Variants in CD180 observed in about 807,000 individuals in gnomAD.
The protein encoded by CD180 is CD180 molecule.
Under a neutral mutation model 10.7 loss-of-function variants are expected in CD180, and 11 were observed. That is an observed-to-expected ratio of 1.03 (90% CI 0.65 to 1.70). The LOEUF is 1.70. CD180 is among the 40% of genes most tolerant of loss of function. The pLI, the probability that CD180 is intolerant of heterozygous loss-of-function variation, is 0.00. For missense variants in CD180, 729 were observed against 775.2 expected (o/e 0.94, Z 0.71); for synonymous variants, 286 against 294.6 (o/e 0.97, Z 0.30).
rs1341566948 is a variant in CD180 at position 67,179,864 on chromosome 5, A to G, written c.*2993T>C. ...GTCAGCTTTTATGGACTTCAGTGCT[A>G]TTTGCTCCAGTACCCTTTGAAATGC... On this transcript the variant is annotated 3_prime_UTR_variant, in exon 3 of 3. Transcript: ENST00000256447. 1 of 152,206 alleles carries G rather than the reference A, an allele frequency of 6.6e-6. No individual in the cohort carries two copies. Among genetic ancestry groups the G allele is most frequent in the African/African-American group, 2.4e-5 (1 of 41,458 alleles). The allele number at this position is 152,206 out of a possible 1,614,324, so 9.4% of individuals were successfully genotyped here.
At position 67,183,113 on chromosome 5, in the gene CD180, T is replaced by G; in HGVS notation, c.1730A>C (p.Asn577Thr). 1 of 1,610,006 alleles carries G rather than the reference T, an allele frequency of 6.2e-7. No individual in the cohort carries two copies. The highest frequency in any genetic ancestry group is 8.5e-7 in the Non-Finnish European group (1 of 1,177,340). Reference protein sequence around the residue: ...SQQSTINLSHNPLDCTCSNIH... With the variant: ...SQQSTINLSHTPLDCTCSNIH... ...ATTCGAGCAAGTGCAGTCCAGGGGGTTATGACTTAAATTAATGGTGCTCTG... is the reference window on the plus strand; with the variant it reads ...ATTCGAGCAAGTGCAGTCCAGGGGGGTATGACTTAAATTAATGGTGCTCTG... Residue 577 changes from asparagine (N) to threonine (T), a missense_variant, in exon 3 of 3, where the codon AAC (asparagine) becomes ACC (threonine). Asn to Thr is a moderately conservative substitution (Grantham distance 65). Coordinates refer to ENST00000256447, the MANE Select transcript of CD180 (RefSeq NM_005582.3).
intron 1 of CD180, among the ~76,000 whole-genome samples, chr5:67,194,588 G>T (rs1444856763): frequency 6.6e-6 from 1 of 152,202 alleles, no homozygotes; most frequent in African/African-American, 2.4e-5. Context: ...ACTTTGGAGT[G>T]ATTGATTTGA....
At position 67,183,896 on chromosome 5, in the gene CD180, C is replaced by T; in HGVS notation, c.947G>A (p.Gly316Glu). 6.2e-7 allele frequency: 1 copy of T among 1,614,114 alleles called. No homozygotes were observed. Among genetic ancestry groups the T allele is most frequent in the Non-Finnish European group, 8.5e-7 (1 of 1,179,994 alleles). Residue 316 changes from glycine to glutamate, a missense_variant, in exon 3 of 3, where the codon GGG (glycine) becomes GAG (glutamate). Physicochemically the swap from Gly to Glu is moderately conservative, Grantham distance 98. Coordinates refer to ENST00000256447, the MANE Select transcript of CD180 (RefSeq NM_005582.3). Reference protein sequence around the residue: ...TATHLKGLPSGMKGLNLLKKL... With the variant: ...TATHLKGLPSEMKGLNLLKKL... ...CTTGAGCAAGTTCAGACCCTTCATC[C>T]CAGAGGGTAACCCTTTCAAGTGAGT...
chr5:67,185,818 A>G (rs763731128), intron 2 of CD180, 33 bp downstream of exon 2: 4 of 1,505,456 alleles, frequency 2.7e-6, no homozygotes, highest in Non-Finnish European at 3.6e-6. Flanking sequence ...CTTAAATAAA[A>G]TAAAAGAGCA....
In CD180 at chr5:67,186,006, G is replaced by T; in HGVS notation, c.102C>A (p.Asn34Lys). ...WDQMCIEKEA[N>K]KTYNCENLGL... ...CTAAATTTTCACAGTTATATGTTTTGTTGGCTTCTTTCTGATGGGAGAAAC... is the reference window on the plus strand; with the variant it reads ...CTAAATTTTCACAGTTATATGTTTTTTTGGCTTCTTTCTGATGGGAGAAAC... The change falls in exon 2 of 3, where the codon AAC becomes AAA. Residue 34 changes from asparagine to lysine, a missense_variant. Asn to Lys is a moderately conservative substitution (Grantham distance 94). Coordinates refer to ENST00000256447, the MANE Select transcript of CD180 (RefSeq NM_005582.3). 6.3e-7 allele frequency: 1 copy of T among 1,580,618 alleles called. No individual in the cohort carries two copies. Among genetic ancestry groups the T allele is most frequent in the Non-Finnish European group, 8.6e-7 (1 of 1,164,060 alleles).
At position 67,181,497 on chromosome 5, in the gene CD180, T is replaced by TTA. The variant is rs1291739124; in HGVS notation, c.*1358_*1359dup. ...GGATGACCCCCAAGTTTTCACTCTGTTATGATGTCCCACTAGTATGCCTTC... is the reference window on the plus strand; with the variant it reads ...GGATGACCCCCAAGTTTTCACTCTGTTATATGATGTCCCACTAGTATGCCTTC... On this transcript the variant is annotated 3_prime_UTR_variant, in exon 3 of 3. Transcript: ENST00000256447. 1.3e-5 allele frequency: 2 copies of TTA among 152,256 alleles called. No individual in the cohort carries two copies. The highest frequency in any genetic ancestry group is 3.8e-4 in the East Asian group (2 of 5,196). The allele number at this position is 152,256 out of a possible 1,614,324, so 9.4% of individuals were successfully genotyped here. A position where few individuals can be genotyped will look rare whatever the true frequency, so the allele number is the denominator to read the frequency against.
rs545687947 is a variant in CD180 at position 67,180,256 on chromosome 5, G to A, written c.*2601C>T. 4.6e-5 allele frequency: 7 copies of A among 152,326 alleles called. No homozygotes were observed. Among genetic ancestry groups the A allele is most frequent in the South Asian group, 2.1e-4 (1 of 4,824 alleles). 9.4% of individuals were successfully genotyped at this position (152,326 alleles called of 1,614,324 possible). ...TTAGTGTGATGTAATTCACATCAGA[G>A]GTTTTCTACAGAATTGTTTCGTTTT... is the stretch of plus-strand genomic sequence containing the variant. On this transcript the variant is annotated 3_prime_UTR_variant, in exon 3 of 3. Coordinates refer to ENST00000256447, the MANE Select transcript of CD180 (RefSeq NM_005582.3).
At position 67,181,950 on chromosome 5, in the gene CD180, C is replaced by G. The variant is rs760022372; in HGVS notation, c.*907G>C. On this transcript the variant is annotated 3_prime_UTR_variant, in exon 3 of 3. Transcript: ENST00000256447. Reference sequence around the variant, plus strand: ...TCAAATGCTCTCCGAAGCAAATAGGCTTTTAAGGGCAAGCCTGAGAACCAA... The same window carrying G: ...TCAAATGCTCTCCGAAGCAAATAGGGTTTTAAGGGCAAGCCTGAGAACCAA... The G allele has an allele frequency of 3.1e-4, 47 of 152,304 alleles. No homozygotes were observed. Among genetic ancestry groups the G allele is most frequent in the African/African-American group, 1.1e-3 (47 of 41,568 alleles). The allele number at this position is 152,304 out of a possible 1,614,324, so 9.4% of individuals were successfully genotyped here.
chr5:67,183,898 A>AGTGAGTT lies in CD180; in HGVS notation c.944_945insAACTCAC (p.Gly316ThrfsTer63). The AGTGAGTT allele has an allele frequency of 4.3e-6, 7 of 1,614,186 alleles. No individual in the cohort carries two copies. The highest frequency in any genetic ancestry group is 5.1e-6 in the Non-Finnish European group (6 of 1,180,010). Reference sequence around the variant, plus strand: ...TGAGCAAGTTCAGACCCTTCATCCCAGAGGGTAACCCTTTCAAGTGAGTTG... The same window carrying AGTGAGTT: ...TGAGCAAGTTCAGACCCTTCATCCCAGTGAGTTGAGGGTAACCCTTTCAAGTGAGTTG... On this transcript the variant is annotated frameshift_variant, in exon 3 of 3. Coordinates refer to ENST00000256447, the MANE Select transcript of CD180 (RefSeq NM_005582.3). LOFTEE classifies it low-confidence loss of function (END_TRUNC).
chr5:67,190,889 T>C (rs1230760970), intron 1 of CD180: 4 of 979,236 alleles, frequency 4.1e-6, no homozygotes, highest in Admixed American at 1.2e-4. Context: ...TGTTGAAACA[T>C]TTTCTAATTT....
At chr5:67,188,085 G>A (rs979441875) in intron 1 of CD180, among the ~76,000 whole-genome samples, 96 of 151,936 alleles carry the variant, frequency 6.3e-4, no homozygotes, top group Middle Eastern at 3.4e-3. Flanking sequence ...CAGGAGAATC[G>A]CTTGAACCAG....
Position 67,182,082 on chromosome 5 carries a change from A to T in CD180, c.*775T>A, listed in dbSNP as rs1433625945. The T allele has an allele frequency of 1.3e-5, 2 of 152,158 alleles. No individual in the cohort carries two copies. Among genetic ancestry groups the T allele is most frequent in the African/African-American group, 2.4e-5 (1 of 41,390 alleles). 9.4% of individuals were successfully genotyped at this position (152,158 alleles called of 1,614,324 possible). ...AGCCCACCTGCAAGTTAGGATCTGT[A>T]ACATAAGAGCCAGAACACCAGATAG... On this transcript the variant is annotated 3_prime_UTR_variant, in exon 3 of 3. Transcript: ENST00000256447.
chr5:67,196,088 A>G (rs76386184), intron 1 of CD180, among the ~76,000 whole-genome samples: 34 of 152,346 alleles, frequency 2.2e-4, no homozygotes, highest in African/African-American at 8.2e-4. Flanking sequence ...AGTCCAAGAG[A>G]GAGCCAGACT....
intron 1 of CD180, chr5:67,190,835 T>G (rs1239908563): frequency 7.4e-6 from 5 of 675,764 alleles, no homozygotes; most frequent in Non-Finnish European, 9.1e-6. Flanking sequence ...TTCTGCTGTA[T>G]ATCTAACTCC....
In CD180 at chr5:67,186,297, A is replaced by T. The variant is rs188282063; in HGVS notation, c.91-280T>A. The stretch of plus-strand genomic sequence containing the variant: ...GGAATCCTCTAAAACTGAAAAAAAT[A>T]AAAAAAACCCTCCATATATTGATAT... On this transcript the variant is annotated intron_variant, in intron 1 of 2. Coordinates refer to ENST00000256447, the MANE Select transcript of CD180 (RefSeq NM_005582.3). 2.9e-3 allele frequency: 625 copies of T among 215,252 alleles called. 4 individuals are homozygous for T. Among genetic ancestry groups the T allele is most frequent in the African/African-American group, 0.011 (498 of 43,570 alleles). 13.3% of individuals were successfully genotyped at this position (215,252 alleles called of 1,614,324 possible).
chr5:67,191,345 T>A (rs1254161774), intron 1 of CD180, among the ~76,000 whole-genome samples: 2 of 152,236 alleles, frequency 1.3e-5, no homozygotes, highest in African/African-American at 4.8e-5. Context: ...CGATAATGTG[T>A]GTCAGCACTA....
intron 1 of CD180, chr5:67,191,116 A>G (rs1330021494): frequency 2.0e-6 from 2 of 984,526 alleles, no homozygotes; most frequent in Non-Finnish European, 2.4e-6. Flanking sequence ...AACACTCCCT[A>G]GAGAGCACAT....
In CD180 at chr5:67,183,036, C is replaced by T; in HGVS notation, c.1807G>A (p.Glu603Lys). The T allele has an allele frequency of 4.3e-6, 7 of 1,613,970 alleles. No individual in the cohort carries two copies. The highest frequency in any genetic ancestry group is 5.9e-6 in the Non-Finnish European group (7 of 1,179,968). ...KENLHKLEGS[E>K]ETTCANPPSL... is the part of the protein sequence containing the mutation. ...GGCGGGTTTGCACACGTGGTCTCCT[C>T]CGAGCCTTCAAGTTTGTGCAGGTTT... Residue 603 changes from glutamate (E) to lysine (K), a missense_variant, in exon 3 of 3, where the codon GAG (glutamate) becomes AAG (lysine). Transcript: ENST00000256447.
chr5:67,182,976 G>C lies in CD180; in HGVS notation c.1867C>G (p.Leu623Val), dbSNP rs771130683. The C allele has an allele frequency of 5.6e-6, 9 of 1,614,112 alleles. No individual in the cohort carries two copies. The highest frequency in any genetic ancestry group is 1.1e-5 in the South Asian group (1 of 91,090). The stretch of plus-strand genomic sequence containing the variant: ...CCTATGGCTGTAATCCCACAGGAAA[G>C]CTTGACATCAGATAGCTTAACTCCC... Reference protein sequence around the residue: ...LRGVKLSDVKLSCGITAIGIF... With the variant: ...LRGVKLSDVKVSCGITAIGIF... The change falls in exon 3 of 3, where the codon CTT becomes GTT. Residue 623 changes from leucine (L) to valine (V), a missense_variant. Physicochemically the swap from Leu to Val is conservative, Grantham distance 32. Coordinates refer to ENST00000256447, the MANE Select transcript of CD180 (RefSeq NM_005582.3).
Sources: gnomAD v4.1 joint callset for allele counts (sites outside exome capture counted in the v4.1 genomes callset) on GRCh38, gnomAD v4.1.1 for gene constraint, MANE v1.5 for transcripts, NCBI Gene and HGNC (gene_info 2026-07-23, HGNC 2026-07-21) for gene names.